The following TTC19 variants were observed in gnomAD, a reference collection of about 807,000 sequenced individuals.
TTC19 encodes the protein tetratricopeptide repeat domain 19.
In TTC19, 38 loss-of-function variants were observed where a neutral mutation model predicts 49.5. The ratio of observed to expected loss-of-function variants is 0.77; its 90% CI spans 0.59 to 1.01. TTC19 has a LOEUF of 1.01. TTC19 is among the 50% of genes least tolerant of loss of function. The pLI, the probability that TTC19 is intolerant of heterozygous loss-of-function variation, is 0.00. For missense variants in TTC19, 475 were observed against 477.7 expected (o/e 0.99, Z 0.05); for synonymous variants, 204 against 185.2 (o/e 1.10, Z -0.83).
chr17:16,028,338 G>T lies in TTC19; in HGVS notation c.*816G>T, dbSNP rs1394960167. ...TCTGAGTCAGAATAGGCCCCTACAG[G>T]TATATTTTAAAACTCTTCGTAATTC... On this transcript the variant is annotated 3_prime_UTR_variant, in exon 10 of 10. Transcript: ENST00000261647. The T allele has an allele frequency of 2.2e-6, 1 of 453,920 alleles. No homozygotes were observed. Among genetic ancestry groups the T allele is most frequent in the Non-Finnish European group, 4.4e-6 (1 of 226,772 alleles). 28.1% of individuals were successfully genotyped at this position (453,920 alleles called of 1,614,324 possible).
At chr17:16,010,074 C>G (rs1377330343) in intron 7 of TTC19, among the ~76,000 whole-genome samples, 1 of 150,730 alleles carries the variant, frequency 6.6e-6, no homozygotes, top group Non-Finnish European at 1.5e-5. Flanking sequence ...TATAAAAAGT[C>G]AAATAATATT....
intron 2 of TTC19, among the ~76,000 whole-genome samples, chr17:16,038,634 C>T (rs1047655804): frequency 6.6e-6 from 1 of 152,030 alleles, no homozygotes; most frequent in Admixed American, 6.5e-5. Context: ...ACGGGGTTTT[C>T]ATCATGTTGC....
At chr17:16,041,255 T>TA (rs1171063933) in intron 2 of TTC19, 2 of 152,256 alleles carry the variant, frequency 1.3e-5, no homozygotes, top group African/African-American at 4.8e-5. Flanking sequence ...CCGCCTATAA[T>TA]AAAGCAGTGT....
chr17:16,041,830 A>G (rs1044556374), intron 2 of TTC19, among the ~76,000 whole-genome samples: 12 of 148,126 alleles, frequency 8.1e-5, no homozygotes, highest in East Asian at 2.0e-4. Context: ...TCTGCCTCCC[A>G]GGTTCACGCC....
At chr17:16,016,826 G>T (rs1329425378) in intron 7 of TTC19, among the ~76,000 whole-genome samples, 1 of 152,078 alleles carries the variant, frequency 6.6e-6, no homozygotes, top group African/African-American at 2.4e-5. Flanking sequence ...CCAGAGTGCT[G>T]GGATTACAGG....
At chr17:16,012,962 G>A (rs1029166626) in intron 7 of TTC19, among the ~76,000 whole-genome samples, 2 of 152,152 alleles carry the variant, frequency 1.3e-5, no homozygotes, top group African/African-American at 4.8e-5. Context: ...CAACACTTTG[G>A]GAGGCCAAGG....
At chr17:16,033,054 C>T (rs1018247482), downstream of TTC19, among the ~76,000 whole-genome samples, 10 of 152,196 alleles carry the variant, frequency 6.6e-5, no homozygotes, top group South Asian at 4.1e-4. Context: ...CTTAAGAAAA[C>T]GCAAAAACAG....
At chr17:16,002,625 A>T in intron 3 of TTC19, 168 bp from the exon 4 acceptor site, 1 of 675,398 alleles carries the variant, frequency 1.5e-6, no homozygotes. Flanking sequence ...TTTAATTCTC[A>T]CATGATTGCT....
intron 2 of TTC19, among the ~76,000 whole-genome samples, chr17:16,043,103 A>T (rs2058040671): frequency 6.6e-6 from 1 of 152,244 alleles, no homozygotes; most frequent in Admixed American, 6.5e-5. Context: ...AGAACATGGC[A>T]TCAGAAAGCC....
chr17:16,031,627 T>C (rs1174204519), downstream of TTC19: 1 of 225,606 alleles, frequency 4.4e-6, no homozygotes, highest in Admixed American at 5.7e-5. Context: ...AAGCCTGCAC[T>C]GGAAATTTAC....
At chr17:16,020,401 C>T (rs1249353289) in intron 7 of TTC19, among the ~76,000 whole-genome samples, 1 of 151,896 alleles carries the variant, frequency 6.6e-6, no homozygotes. Context: ...CTTACGTATT[C>T]GATCATTTTG....
chr17:16,015,203 C>T (rs185678117), intron 7 of TTC19, among the ~76,000 whole-genome samples: 3 of 152,272 alleles, frequency 2.0e-5, no homozygotes, highest in African/African-American at 7.2e-5. Flanking sequence ...TTGAAAGTTG[C>T]AGAGTCTGTG....
chr17:16,022,385 T>A (rs187223793), intron 7 of TTC19, among the ~76,000 whole-genome samples: 72 of 152,304 alleles, frequency 4.7e-4, no homozygotes, highest in Admixed American at 3.3e-4. Flanking sequence ...GATTCTGCTT[T>A]ATTCCCTCCA....
chr17:16,011,435 A>G (rs1336965316), intron 7 of TTC19, among the ~76,000 whole-genome samples: 3 of 152,116 alleles, frequency 2.0e-5, no homozygotes, highest in Non-Finnish European at 2.9e-5. Flanking sequence ...AGCCTCCCCA[A>G]GTGTTGGGAT....
intron 2 of TTC19, chr17:16,040,033 G>T (rs539068947): frequency 6.1e-5 from 24 of 394,852 alleles, no homozygotes; most frequent in Non-Finnish European, 1.1e-4. Context: ...CAGGTGATCC[G>T]CCCGCCTTGG....
intron 7 of TTC19, among the ~76,000 whole-genome samples, chr17:16,016,523 G>A (rs1259686434): frequency 6.7e-6 from 1 of 149,390 alleles, no homozygotes; most frequent in African/African-American, 2.5e-5. Context: ...AGTCTTCTGG[G>A]TCCTTACTAA....
chr17:16,027,185 C>T (rs1231851610), intron 9 of TTC19, 189 bp from the exon 10 acceptor site: 28 of 658,598 alleles, frequency 4.3e-5, no homozygotes, highest in South Asian at 2.2e-4. Context: ...TGGAAAGGGC[C>T]GTTAGGAATC....
Position 16,029,062 on chromosome 17 carries a change from C to T in TTC19, c.*1540C>T. The T allele has an allele frequency of 4.4e-6, 2 of 452,686 alleles. No individual in the cohort carries two copies. Among genetic ancestry groups the T allele is most frequent in the Middle Eastern group, 7.0e-4 (1 of 1,436 alleles). The allele number at this position is 452,686 out of a possible 1,614,324, so 28.0% of individuals were successfully genotyped here. ...CTGTTTCAGTAGAAACCAGTATTAA[C>T]GTATGGTGATTTCTTAAAAAAATTA... On this transcript the variant is annotated 3_prime_UTR_variant, in exon 10 of 10. Transcript: ENST00000261647.
At chr17:16,015,810 A>C (rs1175502406) in intron 7 of TTC19, among the ~76,000 whole-genome samples, 1 of 152,164 alleles carries the variant, frequency 6.6e-6, no homozygotes, top group Non-Finnish European at 1.5e-5. Context: ...CTCATTAGGC[A>C]CTATTATATA....
Sources: allele counts gnomAD v4.1 joint callset (sites outside exome capture counted in the v4.1 genomes callset), GRCh38; gene constraint gnomAD v4.1.1; transcripts MANE v1.5; gene names NCBI Gene and HGNC (gene_info 2026-07-23, HGNC 2026-07-21).